The following ST6GALNAC5 variants were observed in gnomAD, a reference collection of about 807,000 sequenced individuals.
The protein encoded by ST6GALNAC5 is ST6 N-acetylgalactosaminide alpha-2,6-sialyltransferase 5, also known as alpha-N-acetylgalactosaminide alpha-2,6-sialyltransferase 5.
Under a neutral mutation model 33.6 loss-of-function variants are expected in ST6GALNAC5, and 27 were observed. That is an observed-to-expected ratio of 0.80 (90% confidence interval 0.59 to 1.11). The LOEUF is 1.11. ST6GALNAC5 is among the 50% of genes least tolerant of loss of function. The pLI, the probability that ST6GALNAC5 is intolerant of heterozygous loss-of-function variation, is 0.00. For missense variants in ST6GALNAC5, 428 were observed against 454.0 expected (o/e 0.94, Z 0.52); for synonymous variants, 194 against 171.2 (o/e 1.13, Z -1.04).
intron 2 of ST6GALNAC5, among the ~76,000 whole-genome samples, chr1:76,880,384 C>T (rs1052487126): frequency 3.3e-5 from 5 of 152,154 alleles, no homozygotes; most frequent in African/African-American, 4.8e-5. Context: ...TATTCAGTTC[C>T]TCTAGAACCA....
chr1:76,934,859 C>T (rs545083156), intron 2 of ST6GALNAC5, among the ~76,000 whole-genome samples: 17 of 152,082 alleles, frequency 1.1e-4, no homozygotes, highest in South Asian at 4.2e-4. Context: ...TCTTCAATGA[C>T]GATGTGCAAA....
At chr1:76,998,519 C>T (rs1303045893) in intron 2 of ST6GALNAC5, among the ~76,000 whole-genome samples, 2 of 152,140 alleles carry the variant, frequency 1.3e-5, no homozygotes, top group East Asian at 3.8e-4. Flanking sequence ...CAATGAAAAT[C>T]TGTGTTGACT....
intron 2 of ST6GALNAC5, among the ~76,000 whole-genome samples, chr1:77,033,002 G>A (rs1010309618): frequency 6.6e-6 from 1 of 152,162 alleles, no homozygotes; most frequent in Non-Finnish European, 1.5e-5. Context: ...GAAAATGCAG[G>A]TTTTTGTTTG....
Position 77,061,371 on chromosome 1 carries a change from C to T in ST6GALNAC5, c.780-1604C>T, listed in dbSNP as rs1314343910. 4.6e-5 allele frequency among the ~76,000 whole-genome samples: 7 copies of T among 152,018 alleles called. No homozygotes were observed. In the East Asian group the frequency reaches 5.8e-4, roughly 13 times the overall value. ...TGACACCCCTCTTGATAAAAGACTT[C>T]GATCCCTGACCCCAGTAGAGTTGCT... On this transcript the variant is annotated intron_variant, in intron 4 of 4. Transcript: ENST00000477717.
chr1:77,014,155 T>C (rs116330102), intron 2 of ST6GALNAC5, among the ~76,000 whole-genome samples: 115 of 152,358 alleles, frequency 7.5e-4, no homozygotes, highest in African/African-American at 2.7e-3. Flanking sequence ...ATAATTGATA[T>C]GTTGCAGCCA....
chr1:76,963,686 A>G (rs562355286), intron 2 of ST6GALNAC5, among the ~76,000 whole-genome samples: 2 of 152,294 alleles, frequency 1.3e-5, no homozygotes, highest in East Asian at 3.9e-4. Flanking sequence ...TTCCACCTCT[A>G]CATTTGTGGT....
intron 2 of ST6GALNAC5, among the ~76,000 whole-genome samples, chr1:76,916,701 TA>T (rs910608063): frequency 7.3e-5 from 11 of 150,862 alleles, no homozygotes; most frequent in East Asian, 1.9e-4. Flanking sequence ...ATAAGCCTTT[TA>T]AAAAAAAACG....
At chr1:76,981,136 T>G (rs1649233500) in intron 2 of ST6GALNAC5, among the ~76,000 whole-genome samples, 1 of 152,178 alleles carries the variant, frequency 6.6e-6, no homozygotes, top group Non-Finnish European at 1.5e-5. Context: ...TCACTAGGAC[T>G]GCTTGGACAG....
chr1:76,929,543 A>T (rs1288951724), intron 2 of ST6GALNAC5, among the ~76,000 whole-genome samples: 1 of 152,078 alleles, frequency 6.6e-6, no homozygotes, highest in African/African-American at 2.4e-5. Context: ...CATCTCTAAG[A>T]AGAAGAAAAA....
chr1:76,889,021 T>C (rs1289436392), intron 2 of ST6GALNAC5, among the ~76,000 whole-genome samples: 2 of 152,096 alleles, frequency 1.3e-5, no homozygotes, highest in Admixed American at 1.3e-4. Flanking sequence ...TTATTCCTCC[T>C]GTCTAATTGA....
At chr1:77,040,777 C>T (rs1451573144) in intron 2 of ST6GALNAC5, among the ~76,000 whole-genome samples, 3 of 152,014 alleles carry the variant, frequency 2.0e-5, no homozygotes, top group East Asian at 3.9e-4. Context: ...TCTAGGTGAG[C>T]GTGATGAGAA....
intron 2 of ST6GALNAC5, among the ~76,000 whole-genome samples, chr1:76,974,779 T>C (rs1221957494): frequency 1.7e-5 from 2 of 117,650 alleles, no homozygotes; most frequent in African/African-American, 6.3e-5. Flanking sequence ...CTTTCTTTTT[T>C]TTTTTTTTTT....
intron 2 of ST6GALNAC5, among the ~76,000 whole-genome samples, chr1:76,907,230 T>C (rs959918487): frequency 2.0e-5 from 3 of 152,104 alleles, no homozygotes; most frequent in African/African-American, 4.8e-5. Flanking sequence ...ATTCTTTGGG[T>C]TTCTGTTCTT....
In ST6GALNAC5 at chr1:77,015,403, A is replaced by G. The variant is rs201548900; in HGVS notation, c.262-28801A>G. Among the ~76,000 whole-genome samples, 8 of 152,268 alleles carry G rather than the reference A, an allele frequency of 5.3e-5. No homozygotes were observed. In the East Asian group the frequency reaches 1.5e-3, roughly 29 times the overall value. On this transcript the variant is annotated intron_variant, in intron 2 of 4. Transcript: ENST00000477717. ...GCTACTTTACTGAGTCCACCAACTC[A>G]AATGCTAGTCTCATCCAGAAACACC... is the stretch of plus-strand genomic sequence containing the variant.
At chr1:76,892,141 C>T (rs1390632070) in intron 2 of ST6GALNAC5, among the ~76,000 whole-genome samples, 1 of 152,196 alleles carries the variant, frequency 6.6e-6, no homozygotes, top group Non-Finnish European at 1.5e-5. Context: ...TCAAGTCTCT[C>T]AGAGCTCACA....
intron 2 of ST6GALNAC5, among the ~76,000 whole-genome samples, chr1:76,949,653 T>C (rs1647667479): frequency 1.3e-5 from 2 of 152,114 alleles, no homozygotes; most frequent in Non-Finnish European, 2.9e-5. Context: ...ATCAGTCCTA[T>C]GTCATACTGG....
intron 2 of ST6GALNAC5, among the ~76,000 whole-genome samples, chr1:76,981,375 C>T (rs1260522859): frequency 2.0e-5 from 3 of 152,196 alleles, no homozygotes; most frequent in African/African-American, 7.2e-5. Flanking sequence ...CCCATAGAGC[C>T]TTGCTCACTG....
chr1:76,914,677 T>C (rs1646950818), intron 2 of ST6GALNAC5, among the ~76,000 whole-genome samples: 1 of 152,156 alleles, frequency 6.6e-6, no homozygotes, highest in Admixed American at 6.5e-5. Context: ...TTACACCTTA[T>C]ACAAAAATTA....
At chr1:76,894,381 G>A (rs992454030) in intron 2 of ST6GALNAC5, among the ~76,000 whole-genome samples, 8 of 152,102 alleles carry the variant, frequency 5.3e-5, no homozygotes, top group Non-Finnish European at 1.0e-4. Context: ...ATGTTTGCGA[G>A]CCTGAAGAGT....
Sources: gnomAD v4.1 joint callset for allele counts (sites outside exome capture counted in the v4.1 genomes callset) on GRCh38, gnomAD v4.1.1 for gene constraint, MANE v1.5 for transcripts, NCBI Gene and HGNC (gene_info 2026-07-23, HGNC 2026-07-21) for gene names.